HAPLN2: variants seen among roughly 807,000 people sequenced by gnomAD.
HAPLN2 encodes the protein hyaluronan and proteoglycan link protein 2, also known as brain link protein-1.
In HAPLN2, 27 loss-of-function variants were observed where a neutral mutation model predicts 29.3. The observed-to-expected ratio is 0.92, with a 90% CI of 0.68 to 1.27. The LOEUF (loss-of-function observed/expected upper bound fraction) is 1.27. Ranked by LOEUF, HAPLN2 falls within the 50% of genes most tolerant of loss-of-function variation. The pLI, the probability that HAPLN2 is intolerant of heterozygous loss-of-function variation, is 0.00. For missense variants in HAPLN2, 454 were observed against 484.3 expected, an observed-to-expected ratio of 0.94 and a Z score of 0.59; for synonymous variants, 208 against 211.7, an observed-to-expected ratio of 0.98 and a Z score of 0.15.
At chr1:156,606,121 C>T in the HAPLN2 span, among the ~76,000 whole-genome samples, 1 of 152,046 alleles carries the variant, frequency 6.6e-6, no homozygotes, top group African/African-American at 2.4e-5. Context: ...CCGTCTTAGC[C>T]AGCATGGTGG....
chr1:156,614,537 A>G (rs897208260), upstream of HAPLN2, among the ~76,000 whole-genome samples: 1 of 152,124 alleles, frequency 6.6e-6, no homozygotes, highest in African/African-American at 2.4e-5. Context: ...CACTTTTTCA[A>G]ATTATTCCAA....
intron 2 of HAPLN2, 100 bp downstream of exon 2, chr1:156,620,258 G>A (rs1401631532): frequency 6.6e-6 from 1 of 152,158 alleles, no homozygotes; most frequent in Non-Finnish European, 1.5e-5. Context: ...TAGTGATTAA[G>A]CGCTTGAGCC....
At chr1:156,618,517 C>T (rs1004354621), upstream of HAPLN2, among the ~76,000 whole-genome samples, 6 of 151,904 alleles carry the variant, frequency 3.9e-5, no homozygotes, top group East Asian at 1.9e-4. Flanking sequence ...CGGTGGCTCA[C>T]GCCTGTAATC....
Position 156,623,927 on chromosome 1 carries a change from G to C in HAPLN2, c.206G>C (p.Arg69Pro), listed in dbSNP as rs774525894. The C allele has an allele frequency of 1.2e-6, 2 of 1,606,706 alleles. No individual in the cohort carries two copies. The highest frequency in any genetic ancestry group is 1.7e-6 in the Non-Finnish European group (2 of 1,176,596). ...ACCACGCCTCCCAGCTACAAGGTGC[G>C]CTGGAGCAAGGTGGAGCCTGGGGAG... is the stretch of plus-strand genomic sequence containing the variant. Reference protein sequence around the residue: ...LGTTPPSYKVRWSKVEPGELR... With the variant: ...LGTTPPSYKVPWSKVEPGELR... The change falls in exon 4 of 7, where the codon CGC (arginine) becomes CCC (proline). Residue 69 changes from arginine (R) to proline (P), a missense_variant. Arg to Pro is a moderately radical substitution (Grantham distance 103). Around this residue, in one of 3 missense-constraint regions of HAPLN2, gnomAD observed 204 missense variants for 209.2 expected, o/e 0.98. Transcript: ENST00000255039.
At chr1:156,601,537 C>A in the HAPLN2 span, 1 of 1,422,964 alleles carries the variant, frequency 7.0e-7, no homozygotes, top group South Asian at 1.2e-5. Flanking sequence ...GAACCAAAAT[C>A]ACGGTTTTTC....
chr1:156,614,097 C>T, the HAPLN2 span, among the ~76,000 whole-genome samples: 1 of 152,000 alleles, frequency 6.6e-6, no homozygotes, highest in Non-Finnish European at 1.5e-5. Flanking sequence ...AGTATATGAA[C>T]TTGAACAAGT....
chr1:156,616,790 C>G (rs892042990), upstream of HAPLN2, among the ~76,000 whole-genome samples: 1 of 152,124 alleles, frequency 6.6e-6, no homozygotes, highest in Non-Finnish European at 1.5e-5. Flanking sequence ...AATCAGATCT[C>G]TCAAGAGTAT....
the HAPLN2 span, among the ~76,000 whole-genome samples, chr1:156,609,168 G>A: frequency 2.0e-5 from 3 of 152,264 alleles, no homozygotes; most frequent in Admixed American, 6.5e-5. Flanking sequence ...CCTCCACCAC[G>A]GACACCTGGT....
intron 4 of HAPLN2, 45 bp from the exon 5 acceptor site, chr1:156,624,306 C>T (rs747800991): frequency 6.5e-7 from 1 of 1,544,998 alleles, no homozygotes; most frequent in Non-Finnish European, 8.8e-7. Flanking sequence ...CCTCCCCCTC[C>T]GCTCCCATCC....
At chr1:156,620,582 C>T (rs577194384) in intron 2 of HAPLN2, among the ~76,000 whole-genome samples, 13 of 152,282 alleles carry the variant, frequency 8.5e-5, no homozygotes, top group African/African-American at 2.2e-4. Context: ...TGCTCATGTT[C>T]GCATCCCAGA....
At chr1:156,606,863 TG>T in the HAPLN2 span, among the ~76,000 whole-genome samples, 4 of 152,306 alleles carry the variant, frequency 2.6e-5, no homozygotes, top group African/African-American at 9.6e-5. Flanking sequence ...AGGTGATATC[TG>T]ATTACCTCAG....
the HAPLN2 span, among the ~76,000 whole-genome samples, chr1:156,614,228 CT>C: frequency 0.25 from 36,181 of 143,510 alleles, 4,310 homozygotes; most frequent in South Asian, 0.48. Flanking sequence ...TTGGGGTTCA[CT>C]TTTTTTTTTT....
the HAPLN2 span, among the ~76,000 whole-genome samples, chr1:156,612,103 A>G: frequency 2.0e-5 from 3 of 152,158 alleles, no homozygotes; most frequent in Admixed American, 6.5e-5. Flanking sequence ...AGCTCACTTC[A>G]AGCTCCGCCT....
chr1:156,624,574 T>G (rs1264727378), intron 5 of HAPLN2, 27 bp from the exon 6 acceptor site: 2 of 1,608,322 alleles, frequency 1.2e-6, no homozygotes, highest in Non-Finnish European at 1.7e-6. Context: ...ACGCCTCTTA[T>G]CCCCGACCTC....
intron 1 of HAPLN2, 111 bp downstream of exon 1, chr1:156,619,646 A>G (rs1200926687): frequency 1.3e-5 from 2 of 152,204 alleles, no homozygotes; most frequent in East Asian, 1.9e-4. Flanking sequence ...AGCCACATTT[A>G]GAGTTCATCC....
Position 156,624,837 on chromosome 1 carries a change from G to A in HAPLN2, c.739+54G>A, listed in dbSNP as rs1441337658. 3.5e-6 allele frequency: 5 copies of A among 1,440,048 alleles called. No homozygotes were observed. The African/African-American group carries it at 5.7e-5, about 17-fold the overall frequency. 89.2% of individuals were successfully genotyped at this position (1,440,048 alleles called of 1,614,324 possible). The stretch of plus-strand genomic sequence containing the variant: ...GGGGAGGGGTCTGAAAAATGTGGGG[G>A]ACGAGGAGTGGACCTCAGCTTGAGA... On this transcript the variant is annotated intron_variant, in intron 6 of 6. Coordinates refer to ENST00000255039, the MANE Select transcript of HAPLN2 (RefSeq NM_021817.3).
chr1:156,614,026 T>C, the HAPLN2 span, among the ~76,000 whole-genome samples: 1 of 152,224 alleles, frequency 6.6e-6, no homozygotes, highest in African/African-American at 2.4e-5. Context: ...AAGAAATTAT[T>C]CTTTCACAGC....
chr1:156,602,862 A>AAAGTATCCTT, the HAPLN2 span, among the ~76,000 whole-genome samples: 2 of 152,076 alleles, frequency 1.3e-5, no homozygotes, highest in African/African-American at 4.8e-5. Context: ...AAACCCGAGA[A>AAAGTATCCTT]AAGTATCCTT....
rs1214017139 is a variant in HAPLN2, at chr1:156,625,172, G to A, written c.811G>A (p.Val271Met). 2.6e-6 allele frequency: 4 copies of A among 1,546,508 alleles called. No homozygotes were observed. The highest frequency in any genetic ancestry group is 2.6e-6 in the Non-Finnish European group (3 of 1,147,360). ...CGCGGCGTGCCGGCGACGCGGCGCC[G>A]TGGTGGCCAAGGTTGGGCACCTCTA... The part of the protein sequence containing the change: ...AHAACRRRGA[V>M]VAKVGHLYAA... Residue 271 changes from valine (V) to methionine (M), a missense_variant, in exon 7 of 7, where the codon GTG (valine) becomes ATG (methionine). Physicochemically the swap from Val to Met is conservative, Grantham distance 21 (BLOSUM62 1). Transcript: ENST00000255039. The surrounding 1 kb of genome is among the most constrained non-coding windows in gnomAD (Gnocchi z 5.7).
Sources: allele counts gnomAD v4.1 joint callset (sites outside exome capture counted in the v4.1 genomes callset), GRCh38; gene constraint gnomAD v4.1.1; regional missense constraint gnomAD v4.1.1; non-coding constraint Gnocchi (gnomAD v3.1); transcripts MANE v1.5; gene names NCBI Gene and HGNC (gene_info 2026-07-23, HGNC 2026-07-21).